EGFR: variants seen among roughly 807,000 people sequenced by gnomAD.
EGFR encodes the protein epidermal growth factor receptor.
EGFR carries 58 observed loss-of-function variants against 143.0 expected under a neutral mutation model. That is an observed-to-expected ratio of 0.41 (90% CI 0.33 to 0.50). EGFR has a LOEUF of 0.50. Among genes scored for constraint, EGFR ranks in the 20% least tolerant of loss-of-function variants. EGFR has a pLI of 0.39. For synonymous variants in EGFR, 613 were observed against 594.4 expected (o/e 1.03, Z -0.45); for missense variants, 1,307 against 1,579.0 (o/e 0.83, Z 2.92).
intron 22 of EGFR, among the ~76,000 whole-genome samples, chr7:55,196,759 A>G (rs1324093373): frequency 4.7e-5 from 7 of 150,300 alleles, no homozygotes; most frequent in Non-Finnish European, 8.9e-5. Flanking sequence ...TCATTTATTG[A>G]GTAGGGAGTC....
intron 1 of EGFR, among the ~76,000 whole-genome samples, chr7:55,114,373 C>T (rs1192981283): frequency 1.3e-5 from 2 of 152,102 alleles, no homozygotes; most frequent in Admixed American, 1.3e-4. Context: ...GTAGTCCCAG[C>T]TACTCAGGAA....
intron 19 of EGFR, among the ~76,000 whole-genome samples, chr7:55,175,787 A>G (rs1786567188): frequency 6.6e-6 from 1 of 152,236 alleles, no homozygotes; most frequent in Admixed American, 6.5e-5. Context: ...TAAAGAGAAC[A>G]TGGGCCTTTA....
At chr7:55,023,880 C>T (rs769805927) in intron 1 of EGFR, among the ~76,000 whole-genome samples, 6 of 152,046 alleles carry the variant, frequency 3.9e-5, no homozygotes, top group African/African-American at 9.7e-5. Context: ...CGTTCTTTTT[C>T]GTTTTCCTCC....
intron 21 of EGFR, 103 bp downstream of exon 21, chr7:55,191,977 C>G (rs2128964942): frequency 1.3e-6 from 2 of 1,549,724 alleles, no homozygotes; most frequent in East Asian, 2.3e-5. Context: ...AGGATGCTCT[C>G]CAGACATTCT....
intron 1 of EGFR, among the ~76,000 whole-genome samples, chr7:55,068,080 G>A (rs1268527942): frequency 6.9e-6 from 1 of 145,516 alleles, no homozygotes; most frequent in East Asian, 1.9e-4. Flanking sequence ...ATACGTGTGT[G>A]TGTGTGCACA....
chr7:55,189,482 T>G (rs1787292809), intron 20 of EGFR, among the ~76,000 whole-genome samples: 1 of 152,206 alleles, frequency 6.6e-6, no homozygotes, highest in South Asian at 2.1e-4. Context: ...ATGTGCCCAG[T>G]ATACCAAAAT....
At chr7:55,081,720 G>GTTT (rs34610296) in intron 1 of EGFR, among the ~76,000 whole-genome samples, 1 of 131,938 alleles carries the variant, frequency 7.6e-6, no homozygotes. Context: ...TTTTAGACTG[G>GTTT]TTTTTTTTTT....
At position 55,109,723 on chromosome 7, in the gene EGFR, A is replaced by G. The variant is rs17336191; in HGVS notation, c.89-32563A>G. On this transcript the variant is annotated intron_variant, in intron 1 of 27. Coordinates refer to ENST00000275493, the MANE Select transcript of EGFR (RefSeq NM_005228.5). ...ACTTTTGACTCACAGGACAAATTCT[A>G]TCATTCCTTTGGGCCTAGGATTGCA... The G allele has an allele frequency of 2.1e-4, 209 of 985,402 alleles. 1 individual carries two copies. In the African/African-American group the frequency reaches 3.0e-3, roughly 14 times the overall value. 61.0% of individuals were successfully genotyped at this position (985,402 alleles called of 1,614,324 possible).
intron 1 of EGFR, among the ~76,000 whole-genome samples, chr7:55,030,028 AC>A (rs1787160296): frequency 6.6e-6 from 1 of 151,990 alleles, no homozygotes; most frequent in Admixed American, 6.6e-5. Context: ...GCCTCCTACA[AC>A]CCCACAGGAT....
intron 2 of EGFR, among the ~76,000 whole-genome samples, chr7:55,142,664 T>C (rs1050442503): frequency 2.0e-5 from 3 of 152,242 alleles, no homozygotes; most frequent in Non-Finnish European, 4.4e-5. Flanking sequence ...TTCCATGTCA[T>C]CATAGACACT....
At chr7:55,203,851 T>A (rs116678863) in intron 27 of EGFR, among the ~76,000 whole-genome samples, 6,304 of 151,618 alleles carry the variant, frequency 0.042, 434 homozygotes, top group African/African-American at 0.14. Flanking sequence ...GTTATATATA[T>A]GTTGATGTAA....
At chr7:55,203,429 G>GACGC in intron 27 of EGFR, among the ~76,000 whole-genome samples, 1 of 148,874 alleles carries the variant, frequency 6.7e-6, no homozygotes, top group South Asian at 2.1e-4. Flanking sequence ...ACACAACACA[G>GACGC]ACACGTACAC....
intron 22 of EGFR, among the ~76,000 whole-genome samples, chr7:55,198,156 T>G (rs915451692): frequency 2.6e-5 from 4 of 152,200 alleles, no homozygotes; most frequent in Non-Finnish European, 5.9e-5. Context: ...GGTAGGCTAT[T>G]TATTACTGAT....
At chr7:55,136,864 T>G (rs1311787478) in intron 1 of EGFR, among the ~76,000 whole-genome samples, 1 of 152,230 alleles carries the variant, frequency 6.6e-6, no homozygotes, top group African/African-American at 2.4e-5. Flanking sequence ...GTGTTTTGTG[T>G]TTTTGAATCC....
chr7:55,026,924 A>G (rs1239151586), intron 1 of EGFR, among the ~76,000 whole-genome samples: 1 of 151,510 alleles, frequency 6.6e-6, no homozygotes, highest in Non-Finnish European at 1.5e-5. Flanking sequence ...CGGGCCCAGC[A>G]TGGCAGCAGC....
rs767507216 is a variant in EGFR at position 55,198,792 on chromosome 7, T to A, written c.2777T>A (p.Ile926Asn). Residue 926 changes from isoleucine to asparagine, a missense_variant, in exon 23 of 28, where the codon ATC becomes AAC. By Grantham distance (149) the Ile-to-Asn change is moderately radical. Coordinates refer to ENST00000275493, the MANE Select transcript of EGFR (RefSeq NM_005228.5). ...DGIPASEISS[I>N]LEKGERLPQP... ...ATCCCTGCCAGCGAGATCTCCTCCA[T>A]CCTGGAGAAAGGAGAACGCCTCCCT... The A allele has an allele frequency of 7.1e-5, 114 of 1,614,104 alleles. No homozygotes were observed. In the Admixed American group the frequency reaches 1.9e-3, roughly 26 times the overall value.
chr7:55,073,505 C>A (rs1789952469), intron 1 of EGFR, among the ~76,000 whole-genome samples: 1 of 152,170 alleles, frequency 6.6e-6, no homozygotes, highest in South Asian at 2.1e-4. Flanking sequence ...AACTCCCTAG[C>A]CAGGACTTTG....
At chr7:55,120,100 G>A (rs182465221) in intron 1 of EGFR, among the ~76,000 whole-genome samples, 6 of 152,326 alleles carry the variant, frequency 3.9e-5, no homozygotes, top group East Asian at 3.9e-4. Context: ...GGCCGCTGAC[G>A]TGGGCCAGGA....
intron 27 of EGFR, among the ~76,000 whole-genome samples, chr7:55,203,746 A>G (rs1787978473): frequency 6.6e-6 from 1 of 151,020 alleles, no homozygotes. Context: ...CCACAGAAAC[A>G]CACATTAACA....
Sources: gnomAD v4.1 joint callset for allele counts (sites outside exome capture counted in the v4.1 genomes callset) on GRCh38, gnomAD v4.1.1 for gene constraint, MANE v1.5 for transcripts, NCBI Gene and HGNC (gene_info 2026-07-23, HGNC 2026-07-21) for gene names.